The following METTL24 variants were observed in gnomAD, a reference collection of about 807,000 sequenced individuals.
METTL24 encodes probable methyltransferase-like protein 24.
METTL24 carries 29 observed loss-of-function variants against 32.7 expected under a neutral mutation model. The ratio of observed to expected loss-of-function variants is 0.89; its 90% confidence interval spans 0.66 to 1.21. The LOEUF is 1.21. Ranked by LOEUF, METTL24 falls within the 50% of genes most tolerant of loss-of-function variation. METTL24 has a pLI of 0.00. For synonymous variants in METTL24, 163 were observed against 179.5 expected (o/e 0.91, Z 0.73); for missense variants, 439 against 468.1 (o/e 0.94, Z 0.57).
At chr6:110,258,556 G>C (rs1219647211) in intron 4 of METTL24, among the ~76,000 whole-genome samples, 1 of 152,072 alleles carries the variant, frequency 6.6e-6, no homozygotes, top group East Asian at 1.9e-4. Context: ...TGGACAAACA[G>C]ACCAGATGGA....
chr6:110,277,642 T>C (rs141578668), intron 4 of METTL24, among the ~76,000 whole-genome samples: 185 of 152,298 alleles, frequency 1.2e-3, no homozygotes, highest in African/African-American at 4.3e-3. Flanking sequence ...AGGAAAACGT[T>C]ATAGAAATCT....
At chr6:110,339,130 G>A (rs1305477478) in intron 1 of METTL24, among the ~76,000 whole-genome samples, 1 of 152,150 alleles carries the variant, frequency 6.6e-6, no homozygotes, top group African/African-American at 2.4e-5. Context: ...TAGCTTCAGT[G>A]TACCTTAAAA....
At chr6:110,297,723 C>A (rs1002235412) in intron 4 of METTL24, among the ~76,000 whole-genome samples, 43 of 152,292 alleles carry the variant, frequency 2.8e-4, no homozygotes, top group African/African-American at 9.9e-4. Context: ...AAAACATTAA[C>A]AGCATGTAAA....
chr6:110,309,862 C>CAA (rs11408319), intron 3 of METTL24, among the ~76,000 whole-genome samples: 23,210 of 147,398 alleles, frequency 0.16, 2,485 homozygotes, highest in African/African-American at 0.3. Context: ...TTCTTAGGAG[C>CAA]AAAAAAAACA....
At chr6:110,265,663 G>A (rs548160809) in intron 4 of METTL24, among the ~76,000 whole-genome samples, 1 of 152,228 alleles carries the variant, frequency 6.6e-6, no homozygotes, top group South Asian at 2.1e-4. Context: ...TGTAATGGCT[G>A]GAGCTCCAGC....
chr6:110,280,421 C>T (rs1486994935), intron 4 of METTL24, among the ~76,000 whole-genome samples: 1 of 152,088 alleles, frequency 6.6e-6, no homozygotes, highest in Non-Finnish European at 1.5e-5. Context: ...TTTTATTATA[C>T]TTCACGTATT....
In METTL24 at chr6:110,335,796, G is replaced by A. The variant is rs1038092536; in HGVS notation, c.319-12924C>T. Among the ~76,000 whole-genome samples the A allele has an allele frequency of 1.3e-4, 20 of 152,028 alleles. 1 individual carries two copies. Among genetic ancestry groups the A allele is most frequent in the East Asian group, 3.9e-4 (2 of 5,194 alleles). ...GCTTCATATTATAATTGAAGAAAAC[G>A]AAGTTCAGAGAGGTGAAATGACATG... On this transcript the variant is annotated intron_variant, in intron 1 of 4. Transcript: ENST00000338882.
chr6:110,353,313 G>A (rs532910774), intron 1 of METTL24, among the ~76,000 whole-genome samples: 1 of 152,162 alleles, frequency 6.6e-6, no homozygotes, highest in Non-Finnish European at 1.5e-5. Context: ...AAAACCTGAG[G>A]AGCTAGAAAC....
intron 4 of METTL24, among the ~76,000 whole-genome samples, chr6:110,295,100 G>A (rs1771389963): frequency 1.5e-5 from 2 of 135,270 alleles, no homozygotes; most frequent in East Asian, 2.2e-4. Context: ...ATGGCTCACT[G>A]CAGCCTCCAC....
At chr6:110,277,892 G>T (rs1055549621) in intron 4 of METTL24, among the ~76,000 whole-genome samples, 4 of 151,970 alleles carry the variant, frequency 2.6e-5, no homozygotes, top group Admixed American at 2.6e-4. Context: ...AAACATTCAA[G>T]AAAAAATATC....
chr6:110,322,896 T>A (rs747170668), intron 1 of METTL24, 24 bp from the exon 2 acceptor site: 1 of 1,487,454 alleles, frequency 6.7e-7, no homozygotes, highest in Non-Finnish European at 8.9e-7. Context: ...AAAACATAGG[T>A]TGTGTGTAAG....
At chr6:110,247,892 C>G (rs1206870273) in intron 4 of METTL24, among the ~76,000 whole-genome samples, 1 of 152,156 alleles carries the variant, frequency 6.6e-6, no homozygotes. Flanking sequence ...TGTTTGTCCC[C>G]TCCAAATATC....
chr6:110,339,035 C>T (rs1772296204), intron 1 of METTL24, among the ~76,000 whole-genome samples: 1 of 152,174 alleles, frequency 6.6e-6, no homozygotes, highest in South Asian at 2.1e-4. Flanking sequence ...ATCATTCATC[C>T]TGGATAGTGA....
At chr6:110,265,300 A>G (rs1770836176) in intron 4 of METTL24, among the ~76,000 whole-genome samples, 1 of 152,200 alleles carries the variant, frequency 6.6e-6, no homozygotes, top group South Asian at 2.1e-4. Flanking sequence ...ACCAGTTTGC[A>G]CATTAATACA....
At chr6:110,352,806 G>A (rs1007203390) in intron 1 of METTL24, among the ~76,000 whole-genome samples, 1 of 152,084 alleles carries the variant, frequency 6.6e-6, no homozygotes, top group Non-Finnish European at 1.5e-5. Context: ...GACTCCAAAA[G>A]TATTACAGCA....
intron 4 of METTL24, among the ~76,000 whole-genome samples, chr6:110,270,737 C>T (rs545095331): frequency 6.4e-4 from 97 of 152,108 alleles, no homozygotes; most frequent in African/African-American, 2.2e-3. Flanking sequence ...TAAGGATCCT[C>T]ATACCACTGT....
intron 4 of METTL24, among the ~76,000 whole-genome samples, chr6:110,257,902 G>A (rs1305538048): frequency 2.0e-5 from 3 of 152,306 alleles, no homozygotes; most frequent in African/African-American, 4.8e-5. Context: ...AGGTTTCAGC[G>A]AGGCTTATAG....
At chr6:110,314,037 T>C (rs1305221208) in intron 3 of METTL24, among the ~76,000 whole-genome samples, 1 of 152,224 alleles carries the variant, frequency 6.6e-6, no homozygotes, top group East Asian at 1.9e-4. Flanking sequence ...ACAGTGATGA[T>C]GATCCTCTCT....
intron 4 of METTL24, among the ~76,000 whole-genome samples, chr6:110,282,810 A>C (rs1230418360): frequency 6.6e-6 from 1 of 152,192 alleles, no homozygotes; most frequent in East Asian, 1.9e-4. Flanking sequence ...TTTCTAAAGA[A>C]AGAGCTGTGA....
Sources: gnomAD v4.1 joint callset for allele counts (sites outside exome capture counted in the v4.1 genomes callset) on GRCh38, gnomAD v4.1.1 for gene constraint, MANE v1.5 for transcripts, NCBI Gene and HGNC (gene_info 2026-07-23, HGNC 2026-07-21) for gene names.